The following ITGAD variants were observed in gnomAD, a reference collection of about 807,000 sequenced individuals.
ITGAD encodes the protein integrin alpha-D.
A neutral mutation model predicts 139.0 loss-of-function variants in ITGAD; 105 were observed. That is an observed-to-expected ratio of 0.76 (90% confidence interval 0.65 to 0.89). The LOEUF is 0.89. Ranked by LOEUF, ITGAD falls within the 40% of genes least tolerant of loss-of-function variation. The pLI is 0.00. For missense variants in ITGAD, 1,384 were observed against 1,487.3 expected (o/e 0.93, Z 1.14); for synonymous variants, 569 against 598.3 (o/e 0.95, Z 0.71).
chr16:31,424,445 T>G (rs764163948), intron 28 of ITGAD, 22 bp from the exon 29 acceptor site: 2 of 1,586,230 alleles, frequency 1.3e-6, no homozygotes, highest in South Asian at 1.1e-5. Context: ...TGAGGCCGGA[T>G]GCTCTCTGAT....
intron 21 of ITGAD, 43 bp from the exon 22 acceptor site, chr16:31,418,258 T>C (rs974327572): frequency 2.5e-6 from 4 of 1,606,904 alleles, no homozygotes; most frequent in African/African-American, 1.3e-5. Context: ...CACTCTGCCA[T>C]GCCCTTCCTT....
chr16:31,405,712 G>A (rs567682087), intron 7 of ITGAD, among the ~76,000 whole-genome samples: 8 of 149,390 alleles, frequency 5.4e-5, no homozygotes, highest in African/African-American at 1.5e-4. Context: ...GCACGATCAC[G>A]GCTCACTGCA....
At chr16:31,419,485 A>C (rs985470685) in intron 23 of ITGAD, among the ~76,000 whole-genome samples, 3 of 152,224 alleles carry the variant, frequency 2.0e-5, no homozygotes, top group Non-Finnish European at 2.9e-5. Context: ...CTAGGTTTGC[A>C]TAAGTGCAAC....
Position 31,406,761 on chromosome 16 carries a change from G to A in ITGAD, c.705-754G>A, listed in dbSNP as rs999208797. Among the ~76,000 whole-genome samples, 22 of 152,272 alleles carry A rather than the reference G, an allele frequency of 1.4e-4. No individual in the cohort carries two copies. The South Asian group carries it at 1.7e-3, about 11-fold the overall frequency. On this transcript the variant is annotated intron_variant, in intron 7 of 29. Coordinates refer to ENST00000389202, the MANE Select transcript of ITGAD (RefSeq NM_005353.3). ...TAACTGGCATGGTGTCACTTCCACC[G>A]CACGTTACTGATGAGAGTGGGACTC...
At chr16:31,396,695 T>A (rs1430517618) in intron 2 of ITGAD, among the ~76,000 whole-genome samples, 8 of 152,240 alleles carry the variant, frequency 5.3e-5, no homozygotes, top group Admixed American at 4.6e-4. Context: ...CGCATTAAAA[T>A]ACACCAGTAT....
intron 23 of ITGAD, 47 bp from the exon 24 acceptor site, chr16:31,423,067 T>C (rs1472268638): frequency 6.9e-7 from 1 of 1,453,050 alleles, no homozygotes. Flanking sequence ...AGGGCACAAC[T>C]GGGGACAGTT....
intron 23 of ITGAD, among the ~76,000 whole-genome samples, chr16:31,420,572 T>C (rs2142837922): frequency 6.6e-6 from 1 of 151,122 alleles, no homozygotes; most frequent in East Asian, 1.9e-4. Flanking sequence ...AATTTTTTGT[T>C]TGTTTGTTTG....
At chr16:31,405,338 G>T (rs1307933866) in intron 7 of ITGAD, among the ~76,000 whole-genome samples, 3 of 151,764 alleles carry the variant, frequency 2.0e-5, no homozygotes, top group Non-Finnish European at 2.9e-5. Context: ...TTTTTAAAAA[G>T]AAGTTTTATT....
intron 7 of ITGAD, among the ~76,000 whole-genome samples, chr16:31,406,536 T>C (rs1223556911): frequency 6.6e-6 from 1 of 152,184 alleles, no homozygotes; most frequent in Non-Finnish European, 1.5e-5. Flanking sequence ...ATTAAGTGGG[T>C]TAAACAATCC....
chr16:31,399,094 G>A (rs1220852258), intron 5 of ITGAD, among the ~76,000 whole-genome samples: 5 of 152,114 alleles, frequency 3.3e-5, no homozygotes, highest in Non-Finnish European at 7.4e-5. Context: ...ACAGGGCCTG[G>A]GGACACCACC....
chr16:31,401,100 A>C (rs1425657928), intron 5 of ITGAD, among the ~76,000 whole-genome samples: 2 of 152,146 alleles, frequency 1.3e-5, no homozygotes, highest in Non-Finnish European at 2.9e-5. Flanking sequence ...CTCTACAAAA[A>C]GATACAAAAA....
chr16:31,421,261 G>A (rs1385056162), intron 23 of ITGAD, among the ~76,000 whole-genome samples: 1 of 151,982 alleles, frequency 6.6e-6, no homozygotes, highest in Non-Finnish European at 1.5e-5. Context: ...GCCATACATG[G>A]CATGCCTCTC....
chr16:31,394,654 C>T (rs975901809), intron 2 of ITGAD, among the ~76,000 whole-genome samples: 5 of 152,106 alleles, frequency 3.3e-5, no homozygotes, highest in Non-Finnish European at 5.9e-5. Context: ...AATGTTCTGC[C>T]CTTGACCTCT....
At chr16:31,411,009 C>G (rs188432625) in intron 12 of ITGAD, 67 bp from the exon 13 acceptor site, 1 of 1,602,060 alleles carries the variant, frequency 6.2e-7, no homozygotes, top group African/African-American at 1.3e-5. Flanking sequence ...TGGGGAGAGG[C>G]GGGACCCTGG....
rs772879786 is a variant in ITGAD, at chr16:31,411,479, G to A, written c.1669G>A (p.Gly557Arg). 1 of 1,614,102 alleles carries A rather than the reference G, an allele frequency of 6.2e-7. No homozygotes were observed. The highest frequency in any genetic ancestry group is 8.5e-7 in the Non-Finnish European group (1 of 1,180,008). The change falls in exon 14 of 30, where the codon GGA (glycine) becomes AGA (arginine). Residue 557 changes from glycine to arginine, a missense_variant. Gly to Arg is a moderately radical substitution (Grantham distance 125). Coordinates refer to ENST00000389202, the MANE Select transcript of ITGAD (RefSeq NM_005353.3). ...CCGGGGTGCTGTCTACCTGTTTCAC[G>A]GAGCCTCAGAATCCGGCATCAGCCC... ...ENRGAVYLFH[G>R]ASESGISPSH...
chr16:31,397,681 T>C lies in ITGAD; in HGVS notation c.312+15T>C, dbSNP rs1257645084. On this transcript the variant is annotated intron_variant, in intron 4 of 29. Coordinates refer to ENST00000389202, the MANE Select transcript of ITGAD (RefSeq NM_005353.3). ...CCCGGCTCCTGGTGAGTGAGTGTCTTGGGCCACGGGGGGGTGGGGTGGGGC... is the reference window on the plus strand; with the variant it reads ...CCCGGCTCCTGGTGAGTGAGTGTCTCGGGCCACGGGGGGGTGGGGTGGGGC... 2 of 407,112 alleles carry C rather than the reference T, an allele frequency of 4.9e-6. No homozygotes were observed. Among genetic ancestry groups the C allele is most frequent in the African/African-American group, 9.7e-5 (2 of 20,552 alleles). 25.2% of individuals were successfully genotyped at this position (407,112 alleles called of 1,614,324 possible). A position where few individuals can be genotyped will look rare whatever the true frequency, so the allele number is the denominator to read the frequency against.
In ITGAD at chr16:31,423,139, A is replaced by C. The variant is rs1192388843; in HGVS notation, c.2806A>C (p.Asn936His). 6.2e-7 allele frequency: 1 copy of C among 1,614,048 alleles called. No homozygotes were observed. Among genetic ancestry groups the C allele is most frequent in the East Asian group, 2.2e-5 (1 of 44,898 alleles). The change falls in exon 24 of 30, where the codon AAC (asparagine) becomes CAC (histidine). Residue 936 changes from asparagine to histidine, a missense_variant. Transcript: ENST00000389202. ...SRQEESTKYF[N>H]FATSDEKKMK... ...GCAGGAAGAATCCACCAAGTACTTC[A>C]ACTTTGCAACCTCCGATGAGAAGAA...
intron 5 of ITGAD, among the ~76,000 whole-genome samples, chr16:31,400,848 C>A (rs140346707): frequency 6.6e-6 from 1 of 152,134 alleles, no homozygotes; most frequent in Non-Finnish European, 1.5e-5. Flanking sequence ...TCAAGTAATC[C>A]GCCCACCTCA....
rs187175358 is a variant in ITGAD, at chr16:31,424,186, G to C, written c.3244G>C (p.Ala1082Pro). 2.6e-5 allele frequency: 42 copies of C among 1,614,244 alleles called. No individual in the cohort carries two copies. In the African/African-American group the frequency reaches 4.7e-4, roughly 18 times the overall value. ...GTACTCCCAGCTTCCAGGACAGGAG[G>C]CATTTATGAGAGCTCAGGTAGAGAC... ...SVYSQLPGQE[A>P]FMRAQMEMVL... Residue 1082 changes from alanine to proline, a missense_variant, in exon 28 of 30, where the codon GCA (alanine) becomes CCA (proline). Physicochemically the swap from Ala to Pro is conservative, Grantham distance 27. Transcript: ENST00000389202.
Sources: gnomAD v4.1 joint callset for allele counts (sites outside exome capture counted in the v4.1 genomes callset) on GRCh38, gnomAD v4.1.1 for gene constraint, MANE v1.5 for transcripts, NCBI Gene and HGNC (gene_info 2026-07-23, HGNC 2026-07-21) for gene names.